Variants in GNAO1 observed in about 807,000 individuals in gnomAD.
The protein encoded by GNAO1 is G protein subunit alpha o1.
For missense variants in GNAO1, 166 were observed against 478.7 expected (o/e 0.35, Z 6.10); for synonymous variants, 164 against 180.7 (o/e 0.91, Z 0.74).
intron 2 of GNAO1, among the ~76,000 whole-genome samples, chr16:56,273,478 G>C (rs2037035799): frequency 6.6e-6 from 1 of 151,968 alleles, no homozygotes; most frequent in Non-Finnish European, 1.5e-5. Context: ...TTAATTCCAT[G>C]ATCTCTGTCA....
intron 6 of GNAO1, among the ~76,000 whole-genome samples, chr16:56,350,190 G>A (rs1261392343): frequency 1.3e-5 from 2 of 150,910 alleles, no homozygotes; most frequent in Admixed American, 6.6e-5. Flanking sequence ...TCATCTCCCC[G>A]TAGATGCCCA....
chr16:56,244,970 C>T (rs1315319885), intron 2 of GNAO1, among the ~76,000 whole-genome samples: 4 of 152,130 alleles, frequency 2.6e-5, no homozygotes, highest in Non-Finnish European at 5.9e-5. Flanking sequence ...CTACTGATGG[C>T]CCCTCGGGTC....
intron 3 of GNAO1, among the ~76,000 whole-genome samples, chr16:56,299,146 C>T (rs1322044285): frequency 6.6e-6 from 1 of 152,198 alleles, no homozygotes; most frequent in African/African-American, 2.4e-5. Flanking sequence ...GATGGCAGAG[C>T]CAGCAACAAG....
intron 5 of GNAO1, chr16:56,336,490 T>C (rs989229145): frequency 9.0e-6 from 4 of 444,846 alleles, no homozygotes; most frequent in Non-Finnish European, 1.6e-5. Context: ...GGGCAGGTCT[T>C]TGAGTCATGA....
chr16:56,252,044 T>C lies in GNAO1; in HGVS notation c.162-23887T>C, dbSNP rs2036804580. Among the ~76,000 whole-genome samples, 6 of 152,148 alleles carry C rather than the reference T, an allele frequency of 3.9e-5. No homozygotes were observed. The South Asian group carries it at 1.2e-3, about 32-fold the overall frequency. ...CAGAAGGAGCTATAAGCAGAAATTA[T>C]AGGAAGTATAATAAATCATCCTCCC... is the stretch of plus-strand genomic sequence containing the variant. On this transcript the variant is annotated intron_variant, in intron 2 of 8. Coordinates refer to ENST00000262493, the MANE Select transcript of GNAO1 (RefSeq NM_020988.3).
intron 3 of GNAO1, among the ~76,000 whole-genome samples, chr16:56,317,817 C>A (rs1169097345): frequency 6.6e-6 from 1 of 152,038 alleles, no homozygotes; most frequent in Non-Finnish European, 1.5e-5. Flanking sequence ...GCACTGAATC[C>A]TTGGTTCTGC....
At chr16:56,277,354 TG>T (rs2037069518) in intron 3 of GNAO1, among the ~76,000 whole-genome samples, 1 of 152,084 alleles carries the variant, frequency 6.6e-6, no homozygotes, top group Non-Finnish European at 1.5e-5. Context: ...AAAGAGGGAA[TG>T]GGGGAGTGGA....
intron 3 of GNAO1, among the ~76,000 whole-genome samples, chr16:56,310,125 A>T (rs374636818): frequency 7.6e-4 from 115 of 152,172 alleles, no homozygotes; most frequent in African/African-American, 2.2e-3. Flanking sequence ...TGGGCAACAT[A>T]GTGAGACCCC....
At position 56,336,718 on chromosome 16, in the gene GNAO1, C is replaced by T; in HGVS notation, c.594-13C>T. The T allele has an allele frequency of 6.2e-7, 1 of 1,604,918 alleles. No individual in the cohort carries two copies. The highest frequency in any genetic ancestry group is 8.5e-7 in the Non-Finnish European group (1 of 1,176,386). The stretch of plus-strand genomic sequence containing the variant: ...CCTGGACCCTGCGCCTACCAGCTCC[C>T]TGCCTCCTACAGGCTGTTTGACGTC... On this transcript the variant is annotated splice_polypyrimidine_tract_variant and intron_variant, in intron 5 of 8. Transcript: ENST00000262493.
In GNAO1 at chr16:56,204,767, G is replaced by A. The variant is rs2036311262; in HGVS notation, c.161+12151G>A. ...CAAAAAATTTTTATGGTAGAAATAG[G>A]TCTGGACTGGGAGTCAAGAACCCAA... On this transcript the variant is annotated intron_variant, in intron 2 of 8. Transcript: ENST00000262493. Among the ~76,000 whole-genome samples, 4 of 152,182 alleles carry A rather than the reference G, an allele frequency of 2.6e-5. No homozygotes were observed. The South Asian group carries it at 8.3e-4, about 32-fold the overall frequency.
chr16:56,192,235 C>T lies in GNAO1; in HGVS notation c.-1C>T. ...CGGGCTGTGGCAGGGAAGGGGCCACCATGGGATGTACTCTGAGCGCAGAGG... is the reference window on the plus strand; with the variant it reads ...CGGGCTGTGGCAGGGAAGGGGCCACTATGGGATGTACTCTGAGCGCAGAGG... On this transcript the variant is annotated 5_prime_UTR_variant, in exon 1 of 9. Coordinates refer to ENST00000262493, the MANE Select transcript of GNAO1 (RefSeq NM_020988.3). The T allele has an allele frequency of 6.4e-7, 1 of 1,556,080 alleles. No individual in the cohort carries two copies. The highest frequency in any genetic ancestry group is 8.8e-7 in the Non-Finnish European group (1 of 1,135,440).
At chr16:56,310,533 T>C (rs1428645339) in intron 3 of GNAO1, among the ~76,000 whole-genome samples, 10 of 152,146 alleles carry the variant, frequency 6.6e-5, no homozygotes, top group African/African-American at 2.4e-4. Context: ...ACAGCACAGA[T>C]CTCTAAGACT....
intron 3 of GNAO1, among the ~76,000 whole-genome samples, chr16:56,316,219 C>T (rs1446421379): frequency 6.6e-6 from 1 of 152,152 alleles, no homozygotes; most frequent in Non-Finnish European, 1.5e-5. Flanking sequence ...GCCAGGAGCC[C>T]ACGCCACACA....
At chr16:56,192,384 C>G (rs1567431866) in intron 1 of GNAO1, 31 bp downstream of exon 1, 13 of 1,289,726 alleles carry the variant, frequency 1.0e-5, no homozygotes, top group Non-Finnish European at 1.3e-5. Context: ...CCCCATCCCC[C>G]GACCCCGGCC....
At chr16:56,301,710 C>G (rs1050014171) in intron 3 of GNAO1, 6 of 152,152 alleles carry the variant, frequency 3.9e-5, no homozygotes, top group African/African-American at 7.2e-5. Flanking sequence ...CAGTGGAACA[C>G]AGCTAAACCA....
At chr16:56,214,679 A>G (rs2036423002) in intron 2 of GNAO1, among the ~76,000 whole-genome samples, 1 of 152,214 alleles carries the variant, frequency 6.6e-6, no homozygotes, top group African/African-American at 2.4e-5. Context: ...AGGGGTTCCC[A>G]TCTCTTAGGG....
At chr16:56,243,194 T>G (rs1268063089) in intron 2 of GNAO1, among the ~76,000 whole-genome samples, 2 of 152,028 alleles carry the variant, frequency 1.3e-5, no homozygotes. Context: ...AATTATTTCA[T>G]TATATATAGC....
chr16:56,324,535 C>G (rs758050417), intron 3 of GNAO1, among the ~76,000 whole-genome samples: 1 of 152,228 alleles, frequency 6.6e-6, no homozygotes, highest in Non-Finnish European at 1.5e-5. Context: ...GGAGCAGGAT[C>G]GCTGCAGGTC....
At chr16:56,296,552 G>A (rs1181069775) in intron 3 of GNAO1, among the ~76,000 whole-genome samples, 9 of 152,074 alleles carry the variant, frequency 5.9e-5, no homozygotes, top group African/African-American at 2.2e-4. Context: ...ACTGCCTCTA[G>A]GACCTACCCA....
Sources: allele counts gnomAD v4.1 joint callset (sites outside exome capture counted in the v4.1 genomes callset), GRCh38; gene constraint gnomAD v4.1.1; transcripts MANE v1.5; gene names NCBI Gene and HGNC (gene_info 2026-07-23, HGNC 2026-07-21).